The following CENPW variants were observed in gnomAD, a reference collection of about 807,000 sequenced individuals.
The protein encoded by CENPW is centromere protein W, also known as cancer-up-regulated gene 2 protein.
A neutral mutation model predicts 11.1 loss-of-function variants in CENPW; 3 were observed. That is an observed-to-expected ratio of 0.27 (90% CI 0.12 to 0.70). CENPW has a LOEUF of 0.70. Ranked by LOEUF, CENPW falls within the 30% of genes least tolerant of loss-of-function variation. The pLI, the probability that CENPW is intolerant of heterozygous loss-of-function variation, is 0.77. For synonymous variants in CENPW, 38 were observed against 42.0 expected (o/e 0.91, Z 0.37); for missense variants, 100 against 105.6 (o/e 0.95, Z 0.23).
At chr6:126,466,632 GC>G in the CENPW span, among the ~76,000 whole-genome samples, 2 of 152,064 alleles carry the variant, frequency 1.3e-5, no homozygotes, top group Non-Finnish European at 2.9e-5. Flanking sequence ...GTGCACATGT[GC>G]CTGTTGTGTG....
the CENPW span, among the ~76,000 whole-genome samples, chr6:126,410,362 T>A: frequency 3.3e-5 from 5 of 152,122 alleles, no homozygotes; most frequent in Non-Finnish European, 5.9e-5. Flanking sequence ...AAATCTGCTG[T>A]CAGTCAAGTA....
the CENPW span, among the ~76,000 whole-genome samples, chr6:126,460,289 G>A: frequency 4.0e-5 from 6 of 151,560 alleles, no homozygotes; most frequent in Admixed American, 1.3e-4. Context: ...ATTTCCTGTC[G>A]TGTACTAATG....
chr6:126,398,220 C>T, the CENPW span, among the ~76,000 whole-genome samples: 1 of 152,308 alleles, frequency 6.6e-6, no homozygotes, highest in South Asian at 2.1e-4. Context: ...TAAACACTTA[C>T]TTGTATAATT....
rs761989086 is a variant in CENPW at position 126,348,504 on chromosome 6, CAT to C, written c.*15_*16del. On this transcript the variant is annotated 3_prime_UTR_variant, in exon 3 of 3. Coordinates refer to ENST00000368328, the MANE Select transcript of CENPW (RefSeq NM_001012507.4). ...AGAGCAGAGGTTAGAAGTCAAAGAA[CAT>C]ATTCTTGAAAGTTATGATGCATTCT... The C allele has an allele frequency of 2.8e-6, 4 of 1,441,136 alleles. No individual in the cohort carries two copies. The highest frequency in any genetic ancestry group is 2.3e-5 in the East Asian group (1 of 43,574). The allele number at this position is 1,441,136 out of a possible 1,614,324, so 89.3% of individuals were successfully genotyped here.
the CENPW span, among the ~76,000 whole-genome samples, chr6:126,425,650 A>G: frequency 1.3e-5 from 2 of 152,100 alleles, no homozygotes; most frequent in Admixed American, 1.3e-4. Flanking sequence ...TATCAAATAG[A>G]TCTATAGCAA....
At chr6:126,391,717 T>C in the CENPW span, among the ~76,000 whole-genome samples, 1 of 152,024 alleles carries the variant, frequency 6.6e-6, no homozygotes, top group African/African-American at 2.4e-5. Context: ...CCACCACTTA[T>C]TGAAGAAACT....
At chr6:126,467,342 A>G in the CENPW span, among the ~76,000 whole-genome samples, 3 of 152,122 alleles carry the variant, frequency 2.0e-5, no homozygotes, top group Non-Finnish European at 2.9e-5. Context: ...AAGGCTGCAC[A>G]CCTCCAACAA....
the CENPW span, among the ~76,000 whole-genome samples, chr6:126,399,817 G>A: frequency 3.3e-5 from 5 of 151,626 alleles, no homozygotes; most frequent in African/African-American, 9.7e-5. Context: ...AAAGTTTCTT[G>A]GTGCCCTTTC....
At chr6:126,415,796 C>A in the CENPW span, among the ~76,000 whole-genome samples, 1,392 of 152,318 alleles carry the variant, frequency 9.1e-3, 9 homozygotes, top group Non-Finnish European at 0.016. Context: ...GATTGTGAGG[C>A]CTCCCCAGCC....
the CENPW span, among the ~76,000 whole-genome samples, chr6:126,363,140 T>C: frequency 7.2e-5 from 11 of 152,144 alleles, no homozygotes; most frequent in Non-Finnish European, 1.6e-4. Context: ...GTTTCTGGGA[T>C]TTCTGTGTTG....
At chr6:126,341,833 A>G (rs1780317484) in intron 1 of CENPW, among the ~76,000 whole-genome samples, 1 of 152,216 alleles carries the variant, frequency 6.6e-6, no homozygotes, top group South Asian at 2.1e-4. Flanking sequence ...TTCCTCAGGT[A>G]GTCAGCATCC....
At chr6:126,411,510 A>G in the CENPW span, among the ~76,000 whole-genome samples, 9 of 152,036 alleles carry the variant, frequency 5.9e-5, no homozygotes, top group East Asian at 1.7e-3. Context: ...TGTTTCTTGA[A>G]CCTATTGTGG....
the CENPW span, among the ~76,000 whole-genome samples, chr6:126,482,946 T>C: frequency 3.9e-5 from 6 of 152,078 alleles, 1 homozygote; most frequent in Admixed American, 1.3e-4. Flanking sequence ...TTTATCAATA[T>C]TGTGTCTTTC....
chr6:126,480,311 A>G, the CENPW span, among the ~76,000 whole-genome samples: 1 of 152,184 alleles, frequency 6.6e-6, no homozygotes, highest in East Asian at 1.9e-4. Context: ...ATTTTGGGTT[A>G]TGAGGCATGG....
At chr6:126,389,648 G>C in the CENPW span, among the ~76,000 whole-genome samples, 1 of 129,962 alleles carries the variant, frequency 7.7e-6, no homozygotes, top group Non-Finnish European at 1.6e-5. Context: ...TGTTATCTAT[G>C]ACCTTTGCTC....
the CENPW span, among the ~76,000 whole-genome samples, chr6:126,480,803 G>C: frequency 6.6e-6 from 1 of 151,924 alleles, no homozygotes; most frequent in Admixed American, 6.6e-5. Flanking sequence ...ACATTTCTGA[G>C]AGCAAATATG....
At chr6:126,368,930 C>T in the CENPW span, among the ~76,000 whole-genome samples, 7 of 151,918 alleles carry the variant, frequency 4.6e-5, no homozygotes, top group African/African-American at 1.7e-4. Context: ...GTCTTTTATC[C>T]CTCACCCTCC....
At chr6:126,385,248 A>G in the CENPW span, among the ~76,000 whole-genome samples, 1 of 152,184 alleles carries the variant, frequency 6.6e-6, no homozygotes, top group African/African-American at 2.4e-5. Flanking sequence ...CAGCGATCCC[A>G]TTACTGGGTA....
At chr6:126,435,581 C>T in the CENPW span, among the ~76,000 whole-genome samples, 1 of 151,834 alleles carries the variant, frequency 6.6e-6, no homozygotes, top group African/African-American at 2.4e-5. Flanking sequence ...ATTTAAGGCT[C>T]ATATCCTGCT....
Sources: allele counts gnomAD v4.1 joint callset (sites outside exome capture counted in the v4.1 genomes callset), GRCh38; gene constraint gnomAD v4.1.1; transcripts MANE v1.5; gene names NCBI Gene and HGNC (gene_info 2026-07-23, HGNC 2026-07-21).